Variants in SERGEF observed in about 807,000 individuals in gnomAD.
SERGEF encodes the protein secretion regulating guanine nucleotide exchange factor, also known as secretion-regulating guanine nucleotide exchange factor.
A neutral mutation model predicts 50.0 loss-of-function variants in SERGEF; 51 were observed. The observed-to-expected ratio is 1.02, with a 90% CI of 0.81 to 1.29. SERGEF has a LOEUF of 1.29. Among genes scored for constraint, SERGEF ranks in the 50% most tolerant of loss-of-function variants. SERGEF has a pLI of 0.00. For synonymous variants in SERGEF, 205 were observed against 212.4 expected, an observed-to-expected ratio of 0.97 and a Z score of 0.30; for missense variants, 521 against 557.0, an observed-to-expected ratio of 0.94 and a Z score of 0.65.
intron 10 of SERGEF, among the ~76,000 whole-genome samples, chr11:17,826,160 G>C (rs932672317): frequency 8.5e-5 from 13 of 152,208 alleles, no homozygotes; most frequent in African/African-American, 2.9e-4. Context: ...CACTTGACAT[G>C]AATTATATCA....
At chr11:17,842,398 T>C (rs557959081) in intron 10 of SERGEF, among the ~76,000 whole-genome samples, 1 of 152,174 alleles carries the variant, frequency 6.6e-6, no homozygotes, top group South Asian at 2.1e-4. Flanking sequence ...CTTCTATAGA[T>C]GAAGACACCA....
At position 17,816,582 on chromosome 11, in the gene SERGEF, A is replaced by G. The variant is rs540407355; in HGVS notation, c.1049-28169T>C. ...AGTACTCCCCAACGTGTTTAAGGTC[A>G]CATAAAAAATACTGAAGTTTGGCAC... On this transcript the variant is annotated intron_variant, in intron 10 of 10. Coordinates refer to ENST00000265965, the MANE Select transcript of SERGEF (RefSeq NM_012139.4). Among the ~76,000 whole-genome samples, 7 of 152,356 alleles carry G rather than the reference A, an allele frequency of 4.6e-5. No individual in the cohort carries two copies. In the East Asian group the frequency reaches 1.3e-3, roughly 29 times the overall value.
chr11:17,964,439 A>G (rs1853077104), intron 8 of SERGEF, among the ~76,000 whole-genome samples: 1 of 152,130 alleles, frequency 6.6e-6, no homozygotes, highest in Non-Finnish European at 1.5e-5. Flanking sequence ...AGAAATTTCT[A>G]CCCTGTTCTA....
intron 10 of SERGEF, among the ~76,000 whole-genome samples, chr11:17,815,880 C>T (rs1049494046): frequency 3.3e-5 from 5 of 152,182 alleles, no homozygotes; most frequent in African/African-American, 4.8e-5. Flanking sequence ...CCAGATTGCG[C>T]CACTGCACTC....
rs1046845119 is a variant in SERGEF at position 17,884,383 on chromosome 11, G to A, written c.1012-6139C>T. Among the ~76,000 whole-genome samples, 2 of 152,082 alleles carry A rather than the reference G, an allele frequency of 1.3e-5. No homozygotes were observed. The highest frequency in any genetic ancestry group is 1.9e-4 in the East Asian group (1 of 5,154). ...AGCCCCAGCTGGCTGGGCAGCCTGC[G>A]CCGCCTGGGTTAACAGGGCGAGGGA... is the stretch of plus-strand genomic sequence containing the variant. On this transcript the variant is annotated intron_variant, in intron 9 of 10. Transcript: ENST00000265965. The surrounding 1 kb of genome is among the most constrained non-coding windows in gnomAD (Gnocchi z 4.6).
intron 9 of SERGEF, among the ~76,000 whole-genome samples, chr11:17,896,160 T>C (rs1273447437): frequency 6.6e-6 from 1 of 152,208 alleles, no homozygotes. Context: ...GAGTACATTT[T>C]ATTAAGATCA....
At chr11:17,944,233 T>G (rs1362781098) in intron 9 of SERGEF, among the ~76,000 whole-genome samples, 2 of 152,174 alleles carry the variant, frequency 1.3e-5, no homozygotes, top group Non-Finnish European at 2.9e-5. Flanking sequence ...GGCCTTTATT[T>G]TTTTCTAAAC....
At chr11:17,941,048 CCTA>C (rs1852553957) in intron 9 of SERGEF, among the ~76,000 whole-genome samples, 1 of 152,162 alleles carries the variant, frequency 6.6e-6, no homozygotes, top group Admixed American at 6.5e-5. Flanking sequence ...CACTCATATT[CCTA>C]CTACCTAGAT....
intron 10 of SERGEF, among the ~76,000 whole-genome samples, chr11:17,870,004 A>C (rs1565190608): frequency 6.6e-6 from 1 of 152,180 alleles, no homozygotes; most frequent in Non-Finnish European, 1.5e-5. Context: ...AGGTGGAGGT[A>C]ATTGAATCAG....
intron 10 of SERGEF, among the ~76,000 whole-genome samples, chr11:17,839,213 G>A (rs1233116470): frequency 6.6e-6 from 1 of 152,140 alleles, no homozygotes; most frequent in Non-Finnish European, 1.5e-5. Context: ...GGATTTTGCA[G>A]GCAGCAAGCA....
At chr11:17,913,544 A>G (rs1851991190) in intron 9 of SERGEF, among the ~76,000 whole-genome samples, 1 of 152,172 alleles carries the variant, frequency 6.6e-6, no homozygotes, top group East Asian at 1.9e-4. Context: ...ATAGAAACCT[A>G]TCTCAGAGGT....
intron 10 of SERGEF, among the ~76,000 whole-genome samples, chr11:17,869,091 G>A (rs947281305): frequency 5.9e-5 from 9 of 152,130 alleles, no homozygotes; most frequent in African/African-American, 7.2e-5. Context: ...CCCTGGCCAC[G>A]TATCCCGATT....
intron 9 of SERGEF, among the ~76,000 whole-genome samples, chr11:17,883,553 G>C (rs1236101848): frequency 2.6e-5 from 4 of 152,242 alleles, no homozygotes; most frequent in Non-Finnish European, 4.4e-5. Flanking sequence ...GGGGTTCAGG[G>C]AAGCAAGGTA....
At chr11:17,927,062 A>G (rs187010090) in intron 9 of SERGEF, among the ~76,000 whole-genome samples, 1 of 152,152 alleles carries the variant, frequency 6.6e-6, no homozygotes, top group South Asian at 2.1e-4. Flanking sequence ...TACCTACTCT[A>G]TTCCCGGTAT....
At chr11:17,918,312 T>C (rs1852085084) in intron 9 of SERGEF, among the ~76,000 whole-genome samples, 1 of 152,228 alleles carries the variant, frequency 6.6e-6, no homozygotes, top group Non-Finnish European at 1.5e-5. Flanking sequence ...GAACTACTTG[T>C]AGAAACTATT....
chr11:18,005,564 T>G (rs1194537865), intron 3 of SERGEF, among the ~76,000 whole-genome samples: 1 of 152,110 alleles, frequency 6.6e-6, no homozygotes, highest in Non-Finnish European at 1.5e-5. Context: ...CCACAAGGGT[T>G]TATGACAGGA....
chr11:17,816,523 T>C (rs922536840), intron 10 of SERGEF, among the ~76,000 whole-genome samples: 20 of 152,242 alleles, frequency 1.3e-4, no homozygotes, highest in African/African-American at 4.8e-4. Context: ...GTCACTATCT[T>C]GCTTATTGCC....
intron 9 of SERGEF, among the ~76,000 whole-genome samples, chr11:17,916,660 T>C (rs962313160): frequency 1.3e-5 from 2 of 152,226 alleles, no homozygotes; most frequent in Non-Finnish European, 2.9e-5. Flanking sequence ...GCACAATACC[T>C]GGCACATAAT....
chr11:17,812,514 T>G (rs889264717), intron 10 of SERGEF, among the ~76,000 whole-genome samples: 5 of 152,228 alleles, frequency 3.3e-5, no homozygotes, highest in Admixed American at 6.5e-5. Context: ...GCTGGCTTCA[T>G]GTAGAATGGC....
Sources: allele counts gnomAD v4.1 joint callset (sites outside exome capture counted in the v4.1 genomes callset), GRCh38; gene constraint gnomAD v4.1.1; non-coding constraint Gnocchi (gnomAD v3.1); transcripts MANE v1.5; gene names NCBI Gene and HGNC (gene_info 2026-07-23, HGNC 2026-07-21).